Variants in RANBP2 observed in about 807,000 individuals in gnomAD.
RANBP2 encodes the protein E3 SUMO-protein ligase RanBP2.
In RANBP2, 57 loss-of-function variants were observed where a neutral mutation model predicts 303.6. The observed-to-expected ratio is 0.19, with a 90% confidence interval of 0.15 to 0.23. RANBP2 has a LOEUF of 0.23. Among genes scored for constraint, RANBP2 ranks in the 10% least tolerant of loss-of-function variants. The pLI is 1.00. For missense variants in RANBP2, 3,138 were observed against 3,780.8 expected (o/e 0.83, Z 4.46); for synonymous variants, 1,167 against 1,301.5 (o/e 0.90, Z 2.23).
At position 108,745,921 on chromosome 2, in the gene RANBP2, T is replaced by G. The variant is rs184718566; in HGVS notation, c.976-790T>G. On this transcript the variant is annotated intron_variant, in intron 7 of 28. Transcript: ENST00000283195. The stretch of plus-strand genomic sequence containing the variant: ...GTATGCTTTTTTTTTTTTTTCTTTT[T>G]TTGGAGATAGGGTCTCACTCTGTCG... Among the ~76,000 whole-genome samples, 489 of 151,626 alleles carry G rather than the reference T, an allele frequency of 3.2e-3. 2 individuals are homozygous for G. The highest frequency in any genetic ancestry group is 6.5e-3 in the African/African-American group (267 of 41,246).
the RANBP2 span, among the ~76,000 whole-genome samples, chr2:109,154,943 C>T: frequency 2.0e-5 from 3 of 152,318 alleles, no homozygotes; most frequent in African/African-American, 7.2e-5. Flanking sequence ...CACGACTTGT[C>T]AAAAGAGGCT....
the RANBP2 span, among the ~76,000 whole-genome samples, chr2:109,475,722 C>T: frequency 6.6e-6 from 1 of 152,264 alleles, no homozygotes; most frequent in Non-Finnish European, 1.5e-5. Flanking sequence ...CCAGCTGTGA[C>T]AGCTGAAAAT....
the RANBP2 span, among the ~76,000 whole-genome samples, chr2:109,161,272 G>A: frequency 6.6e-6 from 1 of 152,288 alleles, no homozygotes; most frequent in East Asian, 1.9e-4. Flanking sequence ...GTTGAGTTTA[G>A]TTCAGGGTGC....
At chr2:109,040,185 TG>T in the RANBP2 span, among the ~76,000 whole-genome samples, 1 of 152,242 alleles carries the variant, frequency 6.6e-6, no homozygotes, top group Non-Finnish European at 1.5e-5. Flanking sequence ...GATATTTAAT[TG>T]TTCCAGTACA....
chr2:109,778,294 G>C, the RANBP2 span, among the ~76,000 whole-genome samples: 1 of 135,608 alleles, frequency 7.4e-6, no homozygotes, highest in East Asian at 2.3e-4. Context: ...TTTTTCATTT[G>C]TAAAATGCAG....
At chr2:109,241,569 C>T in the RANBP2 span, among the ~76,000 whole-genome samples, 1 of 152,114 alleles carries the variant, frequency 6.6e-6, no homozygotes. Flanking sequence ...TTCTTCCCTC[C>T]CACTTGGCCT....
chr2:108,793,456 C>G, the RANBP2 span, among the ~76,000 whole-genome samples: 19 of 152,170 alleles, frequency 1.2e-4, no homozygotes, highest in African/African-American at 4.6e-4. Context: ...AGGAACTCAC[C>G]TACTGCTGTT....
intron 4 of RANBP2, 31 bp from the exon 5 acceptor site, chr2:108,735,501 C>G (rs1695501552): frequency 1.3e-6 from 2 of 1,597,362 alleles, no homozygotes; most frequent in East Asian, 4.5e-5. Flanking sequence ...AAGTGTTACT[C>G]TAATAATTTT....
chr2:109,170,281 TCTCTTCTCTTCTCTTCTC>T, the RANBP2 span, among the ~76,000 whole-genome samples: 1 of 107,800 alleles, frequency 9.3e-6, no homozygotes, highest in African/African-American at 3.0e-5. Context: ...TCTCTTCTCT[TCTCTTCTCTTCTCTTCTC>T]TTCTCTTCTC....
the RANBP2 span, among the ~76,000 whole-genome samples, chr2:108,916,070 A>G: frequency 6.6e-6 from 1 of 152,200 alleles, no homozygotes; most frequent in East Asian, 1.9e-4. Flanking sequence ...TTGTGTGCCC[A>G]TTTCTGTTTG....
chr2:109,419,556 G>A, the RANBP2 span: 17 of 1,597,800 alleles, frequency 1.1e-5, no homozygotes, highest in African/African-American at 4.0e-5. Flanking sequence ...CCTCCTCGGC[G>A]GGATCTACCC....
the RANBP2 span, among the ~76,000 whole-genome samples, chr2:109,527,287 T>A: frequency 1.3e-5 from 2 of 152,142 alleles, no homozygotes; most frequent in African/African-American, 4.8e-5. Flanking sequence ...AGGCAGCCCA[T>A]CTCTGGAAAA....
chr2:109,549,728 CTA>C, the RANBP2 span, among the ~76,000 whole-genome samples: 7 of 152,090 alleles, frequency 4.6e-5, no homozygotes, highest in Non-Finnish European at 7.4e-5. Flanking sequence ...GTACCATACC[CTA>C]TGTTTTTTCC....
At chr2:108,726,887 C>T (rs1363443938) in intron 1 of RANBP2, among the ~76,000 whole-genome samples, 5 of 152,068 alleles carry the variant, frequency 3.3e-5, no homozygotes, top group African/African-American at 7.2e-5. Context: ...CATCTTGCAC[C>T]GCCCTTAATC....
At chr2:109,574,196 C>G in the RANBP2 span, among the ~76,000 whole-genome samples, 6 of 151,562 alleles carry the variant, frequency 4.0e-5, 1 homozygote, top group African/African-American at 1.5e-4. Flanking sequence ...TCTAGCACTT[C>G]AAGAGACCAA....
At chr2:108,982,473 T>C in the RANBP2 span, among the ~76,000 whole-genome samples, 2 of 152,248 alleles carry the variant, frequency 1.3e-5, no homozygotes, top group Admixed American at 1.3e-4. Context: ...GTTCTGTTTA[T>C]TCTGTAAACA....
chr2:108,815,932 G>A, the RANBP2 span: 1 of 1,584,154 alleles, frequency 6.3e-7, no homozygotes, highest in East Asian at 2.2e-5. Context: ...TTTAATTTTT[G>A]ACATATAGGT....
chr2:108,920,605 A>G, the RANBP2 span, among the ~76,000 whole-genome samples: 3 of 152,138 alleles, frequency 2.0e-5, no homozygotes, highest in Admixed American at 2.0e-4. Context: ...GTATGTTCCA[A>G]TCCAAGGTGA....
At chr2:109,303,199 A>G in the RANBP2 span, among the ~76,000 whole-genome samples, 2 of 152,176 alleles carry the variant, frequency 1.3e-5, no homozygotes, top group African/African-American at 2.4e-5. Context: ...TTTAAACTCC[A>G]CTGTAGCCAA....
Sources: allele counts gnomAD v4.1 joint callset (sites outside exome capture counted in the v4.1 genomes callset), GRCh38; gene constraint gnomAD v4.1.1; transcripts MANE v1.5; gene names NCBI Gene and HGNC (gene_info 2026-07-23, HGNC 2026-07-21).